SLC25A26: variants seen among roughly 807,000 people sequenced by gnomAD.
The protein encoded by SLC25A26 is solute carrier family 25 member 26.
In SLC25A26, 36 loss-of-function variants were observed where a neutral mutation model predicts 37.8. The ratio of observed to expected loss-of-function variants is 0.95; its 90% confidence interval spans 0.73 to 1.26. The LOEUF (loss-of-function observed/expected upper bound fraction) is 1.26, where lower values mean the gene tolerates loss of function less well. SLC25A26 is among the 50% of genes most tolerant of loss of function. The pLI, the probability that SLC25A26 is intolerant of heterozygous loss-of-function variation, is 0.00. For missense variants in SLC25A26, 390 were observed against 331.1 expected (o/e 1.18, Z -1.38); for synonymous variants, 129 against 122.5 (o/e 1.05, Z -0.35).
chr3:66,292,490 C>T (rs2074747036), intron 5 of SLC25A26, among the ~76,000 whole-genome samples: 1 of 152,160 alleles, frequency 6.6e-6, no homozygotes, highest in African/African-American at 2.4e-5. Context: ...TAAGCCAGGC[C>T]TGGTGGTGAC....
At chr3:66,371,961 T>C (rs1415892993) in intron 9 of SLC25A26, among the ~76,000 whole-genome samples, 2 of 152,094 alleles carry the variant, frequency 1.3e-5, no homozygotes, top group African/African-American at 4.8e-5. Flanking sequence ...TAGCCTGGTG[T>C]GGTCGCACGC....
At position 66,243,196 on chromosome 3, in the gene SLC25A26, A is replaced by G; in HGVS notation, c.191-7A>G. On this transcript the variant is annotated splice_polypyrimidine_tract_variant and splice_region_variant and intron_variant, in intron 2 of 9. Transcript: ENST00000354883. ...TTTGTGAAAGACTGGCTTGTTTTAAATTTCAGCTGCTGCATTTTTTATCAC... is the reference window on the plus strand; with the variant it reads ...TTTGTGAAAGACTGGCTTGTTTTAAGTTTCAGCTGCTGCATTTTTTATCAC... 6.6e-7 allele frequency: 1 copy of G among 1,524,540 alleles called. No homozygotes were observed. The highest frequency in any genetic ancestry group is 9.0e-7 in the Non-Finnish European group (1 of 1,106,774). The allele number at this position is 1,524,540 out of a possible 1,614,324, so 94.4% of individuals were successfully genotyped here.
chr3:66,276,514 G>A (rs803366), intron 5 of SLC25A26, among the ~76,000 whole-genome samples: 53,937 of 151,984 alleles, frequency 0.35, 13,090 homozygotes, highest in African/African-American at 0.69. Flanking sequence ...GGAACTGTTT[G>A]TATGGGCAGA....
At chr3:66,199,090 A>T (rs2071079989) in intron 1 of SLC25A26, among the ~76,000 whole-genome samples, 1 of 151,210 alleles carries the variant, frequency 6.6e-6, no homozygotes, top group South Asian at 2.1e-4. Context: ...CTCAAATCTG[A>T]CTCAAACCTG....
intron 5 of SLC25A26, among the ~76,000 whole-genome samples, chr3:66,319,259 T>C (rs966469182): frequency 6.6e-6 from 1 of 150,692 alleles, no homozygotes; most frequent in Non-Finnish European, 1.5e-5. Context: ...TTTTTTTTTC[T>C]GTCTTTTTAA....
chr3:66,172,815 T>G (rs560219003), intron 1 of SLC25A26, among the ~76,000 whole-genome samples: 11 of 152,194 alleles, frequency 7.2e-5, no homozygotes, highest in Non-Finnish European at 1.0e-4. Flanking sequence ...CACATGGTGC[T>G]CTTCCTGGAT....
chr3:66,212,601 A>T (rs1466200992), intron 1 of SLC25A26, among the ~76,000 whole-genome samples: 1 of 152,202 alleles, frequency 6.6e-6, no homozygotes, highest in African/African-American at 2.4e-5. Flanking sequence ...CCATTGAACA[A>T]TTCAATGAAC....
chr3:66,159,212 A>C (rs538497527), intron 1 of SLC25A26, among the ~76,000 whole-genome samples: 2 of 152,234 alleles, frequency 1.3e-5, no homozygotes, highest in Non-Finnish European at 2.9e-5. Flanking sequence ...GACAGTGTAC[A>C]TAAGCCTTAT....
chr3:66,230,948 G>C (rs1446266454), intron 1 of SLC25A26, among the ~76,000 whole-genome samples: 1 of 152,188 alleles, frequency 6.6e-6, no homozygotes, highest in African/African-American at 2.4e-5. Flanking sequence ...GCCAAGGCTG[G>C]TGGATCACCT....
At chr3:66,143,050 G>GC (rs1050586012) in intron 1 of SLC25A26, among the ~76,000 whole-genome samples, 2 of 152,084 alleles carry the variant, frequency 1.3e-5, no homozygotes, top group Admixed American at 1.3e-4. Context: ...TAAGATGTGA[G>GC]CCACTGTGCC....
At chr3:66,156,241 T>A (rs2070281240) in intron 1 of SLC25A26, among the ~76,000 whole-genome samples, 1 of 152,194 alleles carries the variant, frequency 6.6e-6, no homozygotes, top group Admixed American at 6.5e-5. Context: ...GTTCACTGGG[T>A]GCCTACTGTG....
chr3:66,316,078 CT>C (rs1331079053), intron 5 of SLC25A26, among the ~76,000 whole-genome samples: 1 of 152,202 alleles, frequency 6.6e-6, no homozygotes, highest in African/African-American at 2.4e-5. Context: ...GTTTGCCATT[CT>C]GTGCCTTTTA....
At chr3:66,210,906 C>T (rs1289470647) in intron 1 of SLC25A26, among the ~76,000 whole-genome samples, 1 of 152,168 alleles carries the variant, frequency 6.6e-6, no homozygotes, top group African/African-American at 2.4e-5. Flanking sequence ...AGGCAACAGT[C>T]AGGGGCCAGA....
chr3:66,287,877 G>T (rs577944974), intron 5 of SLC25A26, among the ~76,000 whole-genome samples: 1 of 152,326 alleles, frequency 6.6e-6, no homozygotes, highest in African/African-American at 2.4e-5. Flanking sequence ...TTAATGTGAA[G>T]TTTTTAATGC....
intron 6 of SLC25A26, among the ~76,000 whole-genome samples, chr3:66,361,669 A>G (rs914443856): frequency 6.6e-6 from 1 of 152,202 alleles, no homozygotes; most frequent in African/African-American, 2.4e-5. Context: ...GGGAAATACA[A>G]ATTAAAACCA....
intron 2 of SLC25A26, among the ~76,000 whole-genome samples, chr3:66,239,826 T>G (rs936258946): frequency 7.5e-6 from 1 of 134,100 alleles, no homozygotes; most frequent in South Asian, 2.3e-4. Context: ...CTTTTTTTTT[T>G]TTTTTTTTTT....
chr3:66,192,334 A>AAAAG (rs1301722822), intron 1 of SLC25A26, among the ~76,000 whole-genome samples: 4 of 150,542 alleles, frequency 2.7e-5, no homozygotes, highest in African/African-American at 9.8e-5. Context: ...AAAAAAAAAA[A>AAAAG]AGAGAGAGAA....
chr3:66,364,882 G>A (rs1054836951), intron 7 of SLC25A26, among the ~76,000 whole-genome samples: 2 of 152,142 alleles, frequency 1.3e-5, no homozygotes, highest in African/African-American at 2.4e-5. Flanking sequence ...AAGTGAAGGA[G>A]TTTGTCCAAG....
At position 66,240,344 on chromosome 3, in the gene SLC25A26, C is replaced by T. The variant is rs139458987; in HGVS notation, c.191-2859C>T. On this transcript the variant is annotated intron_variant, in intron 2 of 9. Transcript: ENST00000354883. The stretch of plus-strand genomic sequence containing the variant: ...TCACTCCGTTGCCCAGACTGGAGTG[C>T]AGTGGCATGACGTTGGCCCACTGCA... Among the ~76,000 whole-genome samples the T allele has an allele frequency of 3.8e-3, 577 of 152,294 alleles. 5 individuals carry two copies. The highest frequency in any genetic ancestry group is 0.013 in the African/African-American group (555 of 41,562).
Sources: gnomAD v4.1 joint callset for allele counts (sites outside exome capture counted in the v4.1 genomes callset) on GRCh38, gnomAD v4.1.1 for gene constraint, MANE v1.5 for transcripts, NCBI Gene and HGNC (gene_info 2026-07-23, HGNC 2026-07-21) for gene names.